AP3S1: variants seen among roughly 807,000 people sequenced by gnomAD.
AP3S1 encodes AP-3 complex subunit sigma-1.
Under a neutral mutation model 21.3 loss-of-function variants are expected in AP3S1, and 12 were observed. The observed-to-expected ratio is 0.56, with a 90% confidence interval of 0.36 to 0.91. The LOEUF is 0.91. Among genes scored for constraint, AP3S1 ranks in the 40% least tolerant of loss-of-function variants. The pLI, the probability that AP3S1 is intolerant of heterozygous loss-of-function variation, is 0.01. For missense variants in AP3S1, 116 were observed against 225.0 expected (o/e 0.52, Z 3.10); for synonymous variants, 48 against 78.4 (o/e 0.61, Z 2.05).
chr5:115,889,736 G>A (rs1000672772), intron 3 of AP3S1, among the ~76,000 whole-genome samples: 3 of 152,112 alleles, frequency 2.0e-5, no homozygotes, highest in Admixed American at 6.5e-5. Flanking sequence ...AGCTACTCAG[G>A]TGTCTGAGGT....
intron 3 of AP3S1, among the ~76,000 whole-genome samples, chr5:115,882,191 C>A (rs1284494470): frequency 6.6e-6 from 1 of 152,058 alleles, no homozygotes. Context: ...CCATCTGAAG[C>A]CTACTTCTGT....
chr5:115,842,776 A>G (rs1007379070), intron 1 of AP3S1, among the ~76,000 whole-genome samples: 2 of 152,224 alleles, frequency 1.3e-5, no homozygotes, highest in Admixed American at 6.5e-5. Context: ...GTGAGGACCT[A>G]ATATTTTTAT....
intron 1 of AP3S1, among the ~76,000 whole-genome samples, chr5:115,856,710 G>A (rs1365910396): frequency 2.0e-5 from 3 of 152,184 alleles, no homozygotes; most frequent in Non-Finnish European, 2.9e-5. Context: ...CTGGCTTCAA[G>A]CAATCCTCCG....
intron 1 of AP3S1, among the ~76,000 whole-genome samples, chr5:115,853,430 C>G (rs1359321314): frequency 2.6e-5 from 4 of 152,118 alleles, no homozygotes; most frequent in Non-Finnish European, 5.9e-5. Context: ...TTTTTACTTT[C>G]TTGCTGCTAT....
At chr5:115,852,960 T>C (rs1183793882) in intron 1 of AP3S1, 3 of 449,426 alleles carry the variant, frequency 6.7e-6, no homozygotes, top group East Asian at 7.0e-5. Flanking sequence ...TCTGTGACCA[T>C]ATATTCTCAT....
intron 4 of AP3S1, among the ~76,000 whole-genome samples, chr5:115,900,328 C>T (rs1371005032): frequency 6.6e-6 from 1 of 152,158 alleles, no homozygotes; most frequent in Non-Finnish European, 1.5e-5. Context: ...TAATCAGTTG[C>T]AGACATTATT....
chr5:115,859,347 G>A (rs1561480676), intron 1 of AP3S1, among the ~76,000 whole-genome samples: 1 of 152,198 alleles, frequency 6.6e-6, no homozygotes, highest in Admixed American at 6.5e-5. Context: ...TTCTTGAGAA[G>A]GGGCCAAAGG....
At chr5:115,893,718 G>C (rs1220722592) in intron 3 of AP3S1, among the ~76,000 whole-genome samples, 1 of 152,094 alleles carries the variant, frequency 6.6e-6, no homozygotes, top group Non-Finnish European at 1.5e-5. Flanking sequence ...TTCCCCATAG[G>C]ATCACCTGTG....
rs528909974 is a variant in AP3S1 at position 115,884,354 on chromosome 5, A to G, written c.274-10733A>G. The stretch of plus-strand genomic sequence containing the variant: ...AAAAAGTCAGGTGGATCACGAGGTC[A>G]GAAGTTTGAGACCAGCCTGGCCAAC... On this transcript the variant is annotated intron_variant, in intron 3 of 5. Transcript: ENST00000316788. 4.6e-5 allele frequency among the ~76,000 whole-genome samples: 7 copies of G among 152,332 alleles called. No individual in the cohort carries two copies. The East Asian group carries it at 1.3e-3, about 29-fold the overall frequency.
At chr5:115,891,192 C>T (rs1051818184) in intron 3 of AP3S1, among the ~76,000 whole-genome samples, 2 of 152,120 alleles carry the variant, frequency 1.3e-5, no homozygotes, top group African/African-American at 4.8e-5. Context: ...AAAAATTAAA[C>T]TAAAATCTCA....
chr5:115,869,222 AAG>A (rs1748002419), intron 2 of AP3S1, among the ~76,000 whole-genome samples: 1 of 152,208 alleles, frequency 6.6e-6, no homozygotes, highest in African/African-American at 2.4e-5. Context: ...TATTTCATGA[AAG>A]AGTTTAGTAT....
At chr5:115,896,505 G>A (rs575582061) in intron 4 of AP3S1, among the ~76,000 whole-genome samples, 2 of 152,310 alleles carry the variant, frequency 1.3e-5, no homozygotes, top group East Asian at 3.9e-4. Flanking sequence ...AAGACCAGGT[G>A]CAGGTGCTCA....
chr5:115,889,567 A>G (rs1477599964), intron 3 of AP3S1, among the ~76,000 whole-genome samples: 1 of 152,232 alleles, frequency 6.6e-6, no homozygotes, highest in Non-Finnish European at 1.5e-5. Flanking sequence ...TTTTATTGGA[A>G]TGGAAAAATT....
At chr5:115,856,103 G>A (rs1420484730) in intron 1 of AP3S1, among the ~76,000 whole-genome samples, 2 of 152,112 alleles carry the variant, frequency 1.3e-5, no homozygotes, top group African/African-American at 4.8e-5. Flanking sequence ...TAGGAGTTGT[G>A]ACCAACTGAA....
intron 1 of AP3S1, among the ~76,000 whole-genome samples, chr5:115,843,883 G>A (rs1258666045): frequency 1.3e-5 from 2 of 152,242 alleles, no homozygotes; most frequent in Non-Finnish European, 2.9e-5. Context: ...TTACTAGGTA[G>A]CAGTGACGGT....
chr5:115,906,752 G>T, intron 5 of AP3S1: 1 of 1,236,490 alleles, frequency 8.1e-7, no homozygotes, highest in South Asian at 1.6e-5. Context: ...ACTACTTTTT[G>T]AAAGTCAGTC....
intron 3 of AP3S1, among the ~76,000 whole-genome samples, chr5:115,876,180 T>C (rs1748698818): frequency 6.6e-6 from 1 of 152,190 alleles, no homozygotes; most frequent in Admixed American, 6.6e-5. Flanking sequence ...TTGTAAGTGC[T>C]GATATTCATA....
intron 3 of AP3S1, among the ~76,000 whole-genome samples, chr5:115,883,385 AGT>A (rs1377973996): frequency 6.6e-6 from 1 of 152,162 alleles, no homozygotes; most frequent in Admixed American, 6.5e-5. Context: ...CCATGGGAAA[AGT>A]GTAGTATCTG....
rs572687640 is a variant in AP3S1 at position 115,841,971 on chromosome 5, G to A, written c.-67G>A. On this transcript the variant is annotated 5_prime_UTR_variant, in exon 1 of 6. Coordinates refer to ENST00000316788, the MANE Select transcript of AP3S1 (RefSeq NM_001284.4). ...GGGGAAGGATCGCAGGCGAGATTAC[G>A]AGGCGAGGCTCGCGCGCCCGCCCCC... The A allele has an allele frequency of 2.8e-6, 4 of 1,448,920 alleles. No individual in the cohort carries two copies. The highest frequency in any genetic ancestry group is 3.0e-5 in the East Asian group (1 of 32,902). 89.8% of individuals were successfully genotyped at this position (1,448,920 alleles called of 1,614,324 possible). A position where few individuals can be genotyped will look rare whatever the true frequency, so the allele number is the denominator to read the frequency against.
Sources: allele counts gnomAD v4.1 joint callset (sites outside exome capture counted in the v4.1 genomes callset), GRCh38; gene constraint gnomAD v4.1.1; transcripts MANE v1.5; gene names NCBI Gene and HGNC (gene_info 2026-07-23, HGNC 2026-07-21).